MAP2K6: variants seen among roughly 807,000 people sequenced by gnomAD.
The protein encoded by MAP2K6 is dual specificity mitogen-activated protein kinase kinase 6.
MAP2K6 carries 16 observed loss-of-function variants against 53.7 expected under a neutral mutation model. That is an observed-to-expected ratio of 0.30 (90% CI 0.20 to 0.45). MAP2K6 has a LOEUF of 0.45. Among genes scored for constraint, MAP2K6 ranks in the 20% least tolerant of loss-of-function variants. MAP2K6 has a pLI of 1.00. For synonymous variants in MAP2K6, 132 were observed against 143.1 expected, an observed-to-expected ratio of 0.92 and a Z score of 0.55; for missense variants, 204 against 411.9, an observed-to-expected ratio of 0.50 and a Z score of 4.37.
At chr17:69,434,784 A>G (rs1906583833) in intron 1 of MAP2K6, 1 of 152,162 alleles carries the variant, frequency 6.6e-6, no homozygotes, top group African/African-American at 2.4e-5. Context: ...AGAGAAAAAA[A>G]TTAGTTATCT....
In MAP2K6 at chr17:69,542,021, C is replaced by T. The variant is rs1214703988; in HGVS notation, c.*268C>T. ...ATATTTAATGATGTGTCATATGAGT[C>T]CTCAAGCTTCTCAGACTTCTCTTAT... On this transcript the variant is annotated 3_prime_UTR_variant, in exon 12 of 12. Transcript: ENST00000590474. The T allele has an allele frequency of 2.5e-5, 5 of 199,014 alleles. No individual in the cohort carries two copies. In the South Asian group the frequency reaches 3.8e-4, roughly 15 times the overall value. The allele number at this position is 199,014 out of a possible 1,614,324, so 12.3% of individuals were successfully genotyped here.
At chr17:69,480,164 C>T (rs369773633) in intron 1 of MAP2K6, among the ~76,000 whole-genome samples, 18 of 152,080 alleles carry the variant, frequency 1.2e-4, no homozygotes, top group Admixed American at 5.2e-4. Flanking sequence ...TCTGGAGAGC[C>T]GAGCATTCTA....
At chr17:69,457,668 G>A (rs1020169447) in intron 1 of MAP2K6, among the ~76,000 whole-genome samples, 3 of 152,164 alleles carry the variant, frequency 2.0e-5, no homozygotes, top group Non-Finnish European at 4.4e-5. Context: ...AGCTGGGCAC[G>A]GTGGCCTGTG....
At chr17:69,541,227 C>T (rs898842017) in intron 11 of MAP2K6, among the ~76,000 whole-genome samples, 3 of 152,128 alleles carry the variant, frequency 2.0e-5, no homozygotes, top group Admixed American at 1.3e-4. Flanking sequence ...CGCACCACTG[C>T]ACTCCAGCCT....
intron 2 of MAP2K6, among the ~76,000 whole-genome samples, chr17:69,512,858 T>G (rs1909930337): frequency 1.3e-5 from 2 of 152,178 alleles, no homozygotes; most frequent in South Asian, 4.1e-4. Flanking sequence ...CAATGAATAG[T>G]GATTGCGATA....
intron 1 of MAP2K6, among the ~76,000 whole-genome samples, chr17:69,446,176 T>A (rs188290680): frequency 4.6e-5 from 7 of 152,352 alleles, no homozygotes; most frequent in African/African-American, 1.7e-4. Flanking sequence ...TGGTGATTAA[T>A]AGACACCAGG....
At chr17:69,474,339 T>C (rs1286342965) in intron 1 of MAP2K6, among the ~76,000 whole-genome samples, 1 of 152,206 alleles carries the variant, frequency 6.6e-6, no homozygotes, top group Non-Finnish European at 1.5e-5. Flanking sequence ...GCTTCGTGGC[T>C]TTTGTCTTGG....
At chr17:69,459,594 C>T (rs1414520826) in intron 1 of MAP2K6, among the ~76,000 whole-genome samples, 1 of 151,324 alleles carries the variant, frequency 6.6e-6, no homozygotes, top group East Asian at 2.0e-4. Context: ...TGCCTATAGT[C>T]CCAGCTACTC....
At chr17:69,511,034 C>G (rs1249112302) in intron 2 of MAP2K6, among the ~76,000 whole-genome samples, 4 of 152,028 alleles carry the variant, frequency 2.6e-5, no homozygotes, top group Admixed American at 6.5e-5. Flanking sequence ...AATTTTTATT[C>G]TTTACCTTTT....
At chr17:69,504,532 C>T (rs1266328887) in intron 1 of MAP2K6, 3 of 152,402 alleles carry the variant, frequency 2.0e-5, no homozygotes, top group Non-Finnish European at 4.4e-5. Context: ...GTCTCGGCCT[C>T]CCAAAGTGCT....
intron 1 of MAP2K6, chr17:69,434,777 G>GA (rs1020328125): frequency 1.4e-4 from 22 of 151,842 alleles, no homozygotes; most frequent in African/African-American, 5.3e-4. Flanking sequence ...ACAAATCAGA[G>GA]AAAAAAATTA....
At chr17:69,520,111 A>G (rs753425803) in intron 5 of MAP2K6, 159 bp from the exon 6 acceptor site, 5 of 571,576 alleles carry the variant, frequency 8.7e-6, no homozygotes, top group Middle Eastern at 4.4e-4. Flanking sequence ...GCTTATTTGT[A>G]AATTCCTTTA....
At chr17:69,517,062 G>T (rs1182986500) in intron 3 of MAP2K6, among the ~76,000 whole-genome samples, 159 bp downstream of exon 3, 1 of 152,034 alleles carries the variant, frequency 6.6e-6, no homozygotes, top group African/African-American at 2.4e-5. Context: ...TATTTTGAAA[G>T]AATGTTGAAT....
At chr17:69,523,028 A>T (rs192250692) in intron 7 of MAP2K6, among the ~76,000 whole-genome samples, 33 of 152,266 alleles carry the variant, frequency 2.2e-4, no homozygotes, top group Admixed American at 1.8e-3. Flanking sequence ...ACCACTGCAC[A>T]CCGGTTGAGT....
intron 1 of MAP2K6, among the ~76,000 whole-genome samples, chr17:69,476,890 C>A (rs946966920): frequency 1.3e-5 from 2 of 152,214 alleles, no homozygotes; most frequent in Non-Finnish European, 2.9e-5. Context: ...CACATACAGC[C>A]TTTATCCTGC....
chr17:69,440,853 C>G (rs1203215313), intron 1 of MAP2K6, among the ~76,000 whole-genome samples: 1 of 151,002 alleles, frequency 6.6e-6, no homozygotes, highest in Non-Finnish European at 1.5e-5. Flanking sequence ...TGCACTGTTT[C>G]TTTCTGGCTA....
chr17:69,464,743 T>G (rs1907739681), intron 1 of MAP2K6, among the ~76,000 whole-genome samples: 1 of 151,848 alleles, frequency 6.6e-6, no homozygotes, highest in Admixed American at 6.6e-5. Context: ...TGAGACAGAG[T>G]CTCGCTCTGT....
chr17:69,537,859 C>T (rs1598321665), intron 11 of MAP2K6, among the ~76,000 whole-genome samples: 3 of 151,986 alleles, frequency 2.0e-5, no homozygotes, highest in Non-Finnish European at 2.9e-5. Flanking sequence ...ATTTTCTTCC[C>T]GATTATTTTT....
chr17:69,497,459 TGA>T (rs1355942144), intron 1 of MAP2K6, among the ~76,000 whole-genome samples: 1 of 151,914 alleles, frequency 6.6e-6, no homozygotes, highest in Non-Finnish European at 1.5e-5. Flanking sequence ...GGTTTATGCA[TGA>T]GTGTGTGTGT....
Sources: allele counts gnomAD v4.1 joint callset (sites outside exome capture counted in the v4.1 genomes callset), GRCh38; gene constraint gnomAD v4.1.1; transcripts MANE v1.5; gene names NCBI Gene and HGNC (gene_info 2026-07-23, HGNC 2026-07-21).